ZNF566: variants seen among roughly 807,000 people sequenced by gnomAD.
ZNF566 encodes the protein zinc finger protein 566.
ZNF566 carries 27 observed loss-of-function variants against 32.8 expected under a neutral mutation model. The ratio of observed to expected loss-of-function variants is 0.82; its 90% CI spans 0.61 to 1.14. ZNF566 has a LOEUF of 1.14. Ranked by LOEUF, ZNF566 falls within the 50% of genes most tolerant of loss-of-function variation. The pLI is 0.00. For synonymous variants in ZNF566, 154 were observed against 159.5 expected (o/e 0.97, Z 0.26); for missense variants, 402 against 490.4 (o/e 0.82, Z 1.70).
chr19:36,476,466 A>G, intron 2 of ZNF566, 83 bp downstream of exon 2: 1 of 1,306,474 alleles, frequency 7.7e-7, no homozygotes, highest in Non-Finnish European at 1.1e-6. Context: ...AACATCAAAA[A>G]GCATCATCAT....
At chr19:36,467,528 G>A (rs993951627) in intron 4 of ZNF566, among the ~76,000 whole-genome samples, 1 of 151,118 alleles carries the variant, frequency 6.6e-6, no homozygotes, top group African/African-American at 2.5e-5. Flanking sequence ...CGGGCACGGT[G>A]GCTCAAGACT....
intron 4 of ZNF566, among the ~76,000 whole-genome samples, chr19:36,459,199 T>C (rs1043671498): frequency 1.3e-4 from 20 of 152,258 alleles, no homozygotes; most frequent in African/African-American, 4.8e-4. Context: ...GGAAGGAAAA[T>C]ATGGCAATGA....
At chr19:36,485,400 C>CAT (rs1428672985) in intron 1 of ZNF566, among the ~76,000 whole-genome samples, 1 of 150,084 alleles carries the variant, frequency 6.7e-6, no homozygotes, top group Non-Finnish European at 1.5e-5. Context: ...ATGGTCATGC[C>CAT]ACTGCATTTG....
chr19:36,457,830 G>T (rs947766245), intron 4 of ZNF566, among the ~76,000 whole-genome samples: 14 of 152,222 alleles, frequency 9.2e-5, no homozygotes, highest in African/African-American at 3.4e-4. Flanking sequence ...GGCGGAGGTT[G>T]CAGTGAGCTG....
At chr19:36,477,331 A>G (rs769319886) in intron 1 of ZNF566, among the ~76,000 whole-genome samples, 1 of 151,830 alleles carries the variant, frequency 6.6e-6, no homozygotes, top group African/African-American at 2.4e-5. Context: ...TATTTAACCA[A>G]TCTGTGGCCA....
rs535581031 is a variant in ZNF566, at chr19:36,488,799, A to G, written c.-60+687T>C. Among the ~76,000 whole-genome samples the G allele has an allele frequency of 1.5e-4, 23 of 152,316 alleles. No homozygotes were observed. In the East Asian group the frequency reaches 4.0e-3, roughly 27 times the overall value. ...TGACAACATTCATATAAAGTTTTAAAACGGGGAAAAACTGGAGTATAATGC... is the reference window on the plus strand; with the variant it reads ...TGACAACATTCATATAAAGTTTTAAGACGGGGAAAAACTGGAGTATAATGC... On this transcript the variant is annotated intron_variant, in intron 1 of 4. Transcript: ENST00000452939.
At chr19:36,477,868 G>T (rs1440163692) in intron 1 of ZNF566, among the ~76,000 whole-genome samples, 1 of 151,950 alleles carries the variant, frequency 6.6e-6, no homozygotes, top group Non-Finnish European at 1.5e-5. Context: ...GTGCCCAAAA[G>T]AATAAGTTAT....
intron 4 of ZNF566, among the ~76,000 whole-genome samples, chr19:36,454,746 C>G (rs553219276): frequency 1.1e-4 from 17 of 152,190 alleles, no homozygotes; most frequent in African/African-American, 3.6e-4. Flanking sequence ...AATCAAAAAC[C>G]TCCCAACAAA....
intron 1 of ZNF566, among the ~76,000 whole-genome samples, chr19:36,480,430 G>T (rs1186243279): frequency 6.6e-6 from 1 of 151,508 alleles, no homozygotes; most frequent in African/African-American, 2.4e-5. Context: ...GATTACAGGT[G>T]GCTGCCACCA....
At chr19:36,453,002 C>T (rs2033198034) in intron 4 of ZNF566, among the ~76,000 whole-genome samples, 1 of 151,498 alleles carries the variant, frequency 6.6e-6, no homozygotes, top group Non-Finnish European at 1.5e-5. Context: ...CCTGTAATCC[C>T]AGCTACTCAG....
intron 4 of ZNF566, among the ~76,000 whole-genome samples, chr19:36,453,505 AAATTAATT>A (rs371684071): frequency 0.26 from 25,782 of 99,424 alleles, 2,859 homozygotes; most frequent in Non-Finnish European, 0.33. Context: ...ATAAATAAAT[AAATTAATT>A]AATTAAAATA....
At chr19:36,452,966 A>G (rs1318108392) in intron 4 of ZNF566, among the ~76,000 whole-genome samples, 1 of 151,878 alleles carries the variant, frequency 6.6e-6, no homozygotes, top group Non-Finnish European at 1.5e-5. Flanking sequence ...AAAAATATAA[A>G]AATTAGCTGG....
At chr19:36,454,440 T>A (rs1438516485) in intron 4 of ZNF566, among the ~76,000 whole-genome samples, 48 of 152,186 alleles carry the variant, frequency 3.2e-4, no homozygotes, top group Non-Finnish European at 1.5e-5. Flanking sequence ...ATAGCCCCAG[T>A]AACTTGAGAG....
At chr19:36,464,722 C>T (rs1290701744) in intron 4 of ZNF566, among the ~76,000 whole-genome samples, 3 of 151,662 alleles carry the variant, frequency 2.0e-5, no homozygotes, top group African/African-American at 4.8e-5. Flanking sequence ...TGCAGTGAGC[C>T]GTGATTGTTC....
Position 36,449,409 on chromosome 19 carries a change from T to C in ZNF566, c.825A>G (p.Arg275=), listed in dbSNP as rs2033083109. The C allele has an allele frequency of 6.2e-7, 1 of 1,614,062 alleles. No homozygotes were observed. ...CATAAGGCTTCTCACCTGTGTGAAT[T>C]CTCTGATGTCGAGTGAAGTTTGAAC... is the stretch of plus-strand genomic sequence containing the variant. ...SSGSNFTRHQ[R]IHTGEKPYEC... Residue 275 remains arginine (R), a synonymous_variant, in exon 5 of 5, where the codon AGA becomes AGG. Transcript: ENST00000452939.
intron 1 of ZNF566, among the ~76,000 whole-genome samples, chr19:36,479,459 T>C (rs950469371): frequency 3.9e-5 from 6 of 152,212 alleles, no homozygotes; most frequent in Non-Finnish European, 7.3e-5. Flanking sequence ...TTGTTTAAAA[T>C]GTAAATACTA....
Position 36,445,574 on chromosome 19 carries a change from C to G in ZNF566, c.*3403G>C, listed in dbSNP as rs1274107470. ...GTGGCTCATGCCTATAATGCCAGCA[C>G]TTTGGGAGGCCGAGGAGGGTGGATC... On this transcript the variant is annotated 3_prime_UTR_variant, in exon 5 of 5. Transcript: ENST00000452939. 6.6e-6 allele frequency: 1 copy of G among 152,142 alleles called. No individual in the cohort carries two copies. Among genetic ancestry groups the G allele is most frequent in the Non-Finnish European group, 1.5e-5 (1 of 68,052 alleles). 9.4% of individuals were successfully genotyped at this position (152,142 alleles called of 1,614,324 possible).
intron 1 of ZNF566, among the ~76,000 whole-genome samples, chr19:36,481,116 C>T (rs1467749686): frequency 6.6e-6 from 1 of 152,022 alleles, no homozygotes; most frequent in Non-Finnish European, 1.5e-5. Context: ...AAGACATAAA[C>T]AGGCAATCTT....
chr19:36,471,550 C>T (rs2057883001), intron 4 of ZNF566, among the ~76,000 whole-genome samples: 1 of 152,152 alleles, frequency 6.6e-6, no homozygotes, highest in African/African-American at 2.4e-5. Flanking sequence ...GGTCTCTGCC[C>T]AAACGTTACC....
Sources: gnomAD v4.1 joint callset for allele counts (sites outside exome capture counted in the v4.1 genomes callset) on GRCh38, gnomAD v4.1.1 for gene constraint, MANE v1.5 for transcripts, NCBI Gene and HGNC (gene_info 2026-07-23, HGNC 2026-07-21) for gene names.